Variants in NRF1 observed in about 807,000 individuals in gnomAD.
The protein encoded by NRF1 is alpha palindromic-binding protein.
A neutral mutation model predicts 58.5 loss-of-function variants in NRF1; 5 were observed. The observed-to-expected ratio is 0.09, with a 90% CI of 0.04 to 0.18. The LOEUF is 0.18. Among genes scored for constraint, NRF1 ranks in the 10% least tolerant of loss-of-function variants. The pLI is 1.00. For missense variants in NRF1, 288 were observed against 657.7 expected, an observed-to-expected ratio of 0.44 and a Z score of 6.15; for synonymous variants, 224 against 246.7, an observed-to-expected ratio of 0.91 and a Z score of 0.86.
chr7:129,710,231 CTG>C, intron 6 of NRF1, 141 bp from the exon 7 acceptor site: 1 of 677,792 alleles, frequency 1.5e-6, no homozygotes. Context: ...CAGAACCAGT[CTG>C]TGGGAGGTAA....
intron 2 of NRF1, among the ~76,000 whole-genome samples, chr7:129,663,518 A>G (rs892367903): frequency 1.1e-4 from 16 of 139,946 alleles, no homozygotes; most frequent in Admixed American, 2.9e-4. Context: ...GGCGCTCCCC[A>G]CCTCCCAGAC....
intron 10 of NRF1, among the ~76,000 whole-genome samples, chr7:129,729,112 A>G (rs1024244631): frequency 6.6e-6 from 1 of 152,186 alleles, no homozygotes; most frequent in African/African-American, 2.4e-5. Flanking sequence ...ATAACTTCCC[A>G]TGTGGGTTCA....
intron 1 of NRF1, among the ~76,000 whole-genome samples, chr7:129,632,043 G>A (rs1801060428): frequency 6.6e-6 from 1 of 152,184 alleles, no homozygotes; most frequent in East Asian, 1.9e-4. Flanking sequence ...GGGAGGCTAA[G>A]TCAGGAGGAC....
intron 1 of NRF1, among the ~76,000 whole-genome samples, chr7:129,648,389 C>T (rs556461868): frequency 1.7e-4 from 26 of 150,990 alleles, no homozygotes; most frequent in Non-Finnish European, 3.4e-4. Flanking sequence ...ACGCCATTCT[C>T]CTGCCTCTGC....
At chr7:129,734,957 T>G in intron 10 of NRF1, 1 of 616,506 alleles carries the variant, frequency 1.6e-6, no homozygotes, top group Non-Finnish European at 2.0e-6. Flanking sequence ...GAGACCAAGG[T>G]GGTAGGGCTG....
chr7:129,694,660 G>A (rs759151239), intron 5 of NRF1, among the ~76,000 whole-genome samples: 3 of 152,278 alleles, frequency 2.0e-5, no homozygotes, highest in Admixed American at 6.5e-5. Context: ...GAGCCACTGC[G>A]CCCAGCCAAT....
At chr7:129,728,468 C>CAAAAAAAAAAAAAAAAAAAAAAAAAAA (rs60777041) in intron 10 of NRF1, among the ~76,000 whole-genome samples, 1 of 96,354 alleles carries the variant, frequency 1.0e-5, no homozygotes. Context: ...GACTCCGTCT[C>CAAAAAAAAAAAAAAAAAAAAAAAAAAA]AAAAAAAAAA....
intron 5 of NRF1, among the ~76,000 whole-genome samples, chr7:129,703,676 T>C (rs1449945509): frequency 6.6e-6 from 1 of 152,230 alleles, no homozygotes; most frequent in Non-Finnish European, 1.5e-5. Flanking sequence ...CAAACTCTTA[T>C]AGTAGAAAAT....
At chr7:129,754,389 G>C (rs1804196969) in intron 10 of NRF1, among the ~76,000 whole-genome samples, 1 of 145,888 alleles carries the variant, frequency 6.9e-6, no homozygotes, top group Admixed American at 7.1e-5. Flanking sequence ...CTTGAATCCA[G>C]GAGTTCGAGG....
intron 5 of NRF1, among the ~76,000 whole-genome samples, chr7:129,696,272 G>A (rs1802696469): frequency 6.6e-6 from 1 of 151,940 alleles, no homozygotes; most frequent in Non-Finnish European, 1.5e-5. Context: ...AATAAATAAA[G>A]TGCAAAGTTT....
chr7:129,711,622 T>C (rs1166377398), intron 8 of NRF1, 46 bp downstream of exon 8: 1 of 1,467,006 alleles, frequency 6.8e-7, no homozygotes, highest in Non-Finnish European at 9.4e-7. Flanking sequence ...CTTGAATGTA[T>C]AATGAGGGAA....
intron 1 of NRF1, among the ~76,000 whole-genome samples, chr7:129,616,913 G>T (rs1452792085): frequency 6.6e-6 from 1 of 152,172 alleles, no homozygotes; most frequent in Non-Finnish European, 1.5e-5. Flanking sequence ...ATCTAGTTTT[G>T]TAGGTTGGGA....
intron 5 of NRF1, 94 bp from the exon 6 acceptor site, chr7:129,708,981 A>G: frequency 4.5e-6 from 5 of 1,102,448 alleles, no homozygotes; most frequent in Non-Finnish European, 6.0e-6. Flanking sequence ...CCTTCCTGGA[A>G]ACCTCTCTGT....
At chr7:129,655,286 C>G (rs956246214) in intron 1 of NRF1, among the ~76,000 whole-genome samples, 1 of 152,030 alleles carries the variant, frequency 6.6e-6, no homozygotes, top group Non-Finnish European at 1.5e-5. Flanking sequence ...GGAAAACAAC[C>G]TTGTCCCTGC....
intron 10 of NRF1, among the ~76,000 whole-genome samples, chr7:129,754,144 T>A (rs1804189877): frequency 6.6e-6 from 1 of 151,998 alleles, no homozygotes; most frequent in African/African-American, 2.4e-5. Context: ...TCTAAACTTT[T>A]CTTTTCTGAT....
intron 10 of NRF1, among the ~76,000 whole-genome samples, chr7:129,729,234 A>AG (rs11464567): frequency 0.83 from 125,972 of 151,704 alleles, 53,353 homozygotes; most frequent in East Asian, 0.93. Flanking sequence ...ATGAATTTAT[A>AG]ATAAGTCCAA....
In NRF1 at chr7:129,690,543, C is replaced by A. The variant is rs771829030; in HGVS notation, c.603C>A (p.Thr201=). The A allele has an allele frequency of 2.4e-5, 39 of 1,613,910 alleles. 1 individual carries two copies. In the South Asian group the frequency reaches 4.0e-4, roughly 16 times the overall value. The change falls in exon 5 of 11, where the codon ACC becomes ACA. Residue 201 remains threonine (T), a synonymous_variant. Transcript: ENST00000393232. ...DGIPVSVDKM[T]QAQLRAFIPE... is the part of the protein sequence containing the mutation. ...TTCCAGTCTCTGTGGACAAAATGAC[C>A]CAGGTGAGGGGTGGGAGGTGAGGAG...
chr7:129,629,273 C>A (rs908738201), intron 1 of NRF1, among the ~76,000 whole-genome samples: 1 of 149,794 alleles, frequency 6.7e-6, no homozygotes, highest in Non-Finnish European at 1.5e-5. Flanking sequence ...ACATAGCACA[C>A]ACGCTTTTTT....
intron 2 of NRF1, among the ~76,000 whole-genome samples, chr7:129,662,873 C>T (rs145888148): frequency 0.043 from 6,516 of 152,142 alleles, 238 homozygotes; most frequent in East Asian, 0.13. Context: ...GAACAAAGGT[C>T]TCTGGTTTTC....
Sources: allele counts gnomAD v4.1 joint callset (sites outside exome capture counted in the v4.1 genomes callset), GRCh38; gene constraint gnomAD v4.1.1; transcripts MANE v1.5; gene names NCBI Gene and HGNC (gene_info 2026-07-23, HGNC 2026-07-21).